Variants in RNF213 observed in about 807,000 individuals in gnomAD.
RNF213 encodes E3 ubiquitin-protein ligase RNF213.
Under a neutral mutation model 514.4 loss-of-function variants are expected in RNF213, and 341 were observed. The observed-to-expected ratio is 0.66, with a 90% CI of 0.61 to 0.73. The LOEUF is 0.73. Among genes scored for constraint, RNF213 ranks in the 30% least tolerant of loss-of-function variants. RNF213 has a pLI of 0.00. For synonymous variants in RNF213, 2,655 were observed against 2,658.2 expected (o/e 1.00, Z 0.04); for missense variants, 5,767 against 6,615.6 (o/e 0.87, Z 4.45).
Position 80,347,395 on chromosome 17 carries a change from G to A in RNF213, c.9060G>A (p.Gln3020=), listed in dbSNP as rs144814798. The part of the protein sequence containing the change: ...EEVSPMQLIK[Q]NIFGPSQKVP... ...TCAGCCCCATGCAGCTGATCAAACA[G>A]AACATCTTTGGGCCTTCTCAGAAGG... is the stretch of plus-strand genomic sequence containing the variant. The change falls in exon 29 of 68, where the codon CAG becomes CAA. Residue 3020 remains glutamine, a synonymous_variant. Coordinates refer to ENST00000582970, the MANE Select transcript of RNF213 (RefSeq NM_001256071.3). The surrounding 1 kb of genome is among the most constrained non-coding windows in gnomAD (Gnocchi z 7.2). 2.5e-6 allele frequency: 4 copies of A among 1,613,826 alleles called. No individual in the cohort carries two copies. In the African/African-American group the frequency reaches 4.0e-5, roughly 16 times the overall value.
rs1014180110 is a variant in RNF213, at chr17:80,345,981, T to C, written c.7646T>C (p.Met2549Thr). The change falls in exon 29 of 68, where the codon ATG (methionine) becomes ACG (threonine). Residue 2549 changes from methionine to threonine, a missense_variant. Coordinates refer to ENST00000582970, the MANE Select transcript of RNF213 (RefSeq NM_001256071.3). The surrounding 1 kb of genome is among the most constrained non-coding windows in gnomAD (Gnocchi z 6.0). The stretch of plus-strand genomic sequence containing the variant: ...GCTGGTTTGGGCTACAGGGTTAGTA[T>C]GGAGGAGACGGCCGACAGGCTGGGC... ...ESAGLGYRVS[M>T]EETADRLGSI... 6.2e-6 allele frequency: 10 copies of C among 1,614,116 alleles called. No individual in the cohort carries two copies. Among genetic ancestry groups the C allele is most frequent in the Non-Finnish European group, 8.5e-6 (10 of 1,180,054 alleles).
At position 80,317,530 on chromosome 17, in the gene RNF213, T is replaced by G. The variant is rs2045988214; in HGVS notation, c.2901+253T>G. Among the ~76,000 whole-genome samples the G allele has an allele frequency of 6.6e-6, 1 of 152,212 alleles. No individual in the cohort carries two copies. The highest frequency in any genetic ancestry group is 2.4e-5 in the African/African-American group (1 of 41,448). On this transcript the variant is annotated intron_variant, in intron 16 of 67. Transcript: ENST00000582970. This position sits in a 1 kb window ranked among gnomAD's most constrained non-coding sequence, Gnocchi z 4.1. ...CATCATGGGGGTGCGGGATTTTTCC[T>G]GACCCCTTCGTTGGACTTGCGACAG...
At chr17:80,382,913 T>C (rs1447528292) in intron 57 of RNF213, 66 bp from the exon 58 acceptor site, 2 of 934,914 alleles carry the variant, frequency 2.1e-6, no homozygotes, top group African/African-American at 3.3e-5. Context: ...ATTTAGGGTT[T>C]ATTATACGCA....
Position 80,334,120 on chromosome 17 carries a change from G to A in RNF213, c.4159G>A (p.Asp1387Asn), listed in dbSNP as rs1400812017. 4.6e-6 allele frequency: 7 copies of A among 1,537,056 alleles called. No individual in the cohort carries two copies. Among genetic ancestry groups the A allele is most frequent in the African/African-American group, 2.7e-5 (2 of 73,012 alleles). The change falls in exon 22 of 68, where the codon GAC becomes AAC. Residue 1387 changes from aspartate (D) to asparagine (N), a missense_variant. This residue lies in a region of RNF213 where 516 missense variants were observed against 566.5 expected (regional missense o/e 0.91). Transcript: ENST00000582970. Reference protein sequence around the residue: ...TLLNFTDNFDDFRRETLDQIN... With the variant: ...TLLNFTDNFDNFRRETLDQIN... ...TTTCTTGCAGACTGATAACTTCGAC[G>A]ACTTTCGCCGTGAAACACTGGACCA...
rs1270923474 is a variant in RNF213, at chr17:80,350,312, C to G, written c.10100C>G (p.Thr3367Arg). 4 of 1,603,564 alleles carry G rather than the reference C, an allele frequency of 2.5e-6. No individual in the cohort carries two copies. Among genetic ancestry groups the G allele is most frequent in the Non-Finnish European group, 3.4e-6 (4 of 1,170,690 alleles). ...CCCTTTTCTTTCAGAAACTGTTTAACGAATACAGCCAAATGTAAAATCCTC... is the reference window on the plus strand; with the variant it reads ...CCCTTTTCTTTCAGAAACTGTTTAAGGAATACAGCCAAATGTAAAATCCTC... Reference protein sequence around the residue: ...SFLKEVRNCLTNTAKCKILIF... With the variant: ...SFLKEVRNCLRNTAKCKILIF... The change falls in exon 31 of 68, where the codon ACG becomes AGG. Residue 3367 changes from threonine to arginine, a missense_variant. Physicochemically the swap from Thr to Arg is moderately conservative, Grantham distance 71. Around this residue, in one of 13 missense-constraint regions of RNF213, gnomAD observed 919 missense variants for 1,121.0 expected, o/e 0.82. Transcript: ENST00000582970.
intron 8 of RNF213, among the ~76,000 whole-genome samples, chr17:80,294,456 G>A (rs1375030553): frequency 1.3e-5 from 2 of 152,190 alleles, no homozygotes; most frequent in Non-Finnish European, 1.5e-5. Flanking sequence ...TCTCAGGCCC[G>A]CTGCATCCCA....
rs1278667909 is a variant in RNF213, at chr17:80,343,368, ACGTGGTCCCCATGTCTCTG to A, written c.6183+48_6183+66del. ...TCAGCCGATGGCCACATCAGTAAAG[ACGTGGTCCCCATGTCTCTG>A]CGTGACTCCTCCCCGTGTATAGAAT... On this transcript the variant is annotated intron_variant, in intron 27 of 67. Transcript: ENST00000582970. This position sits in a 1 kb window ranked among gnomAD's most constrained non-coding sequence, Gnocchi z 4.3. The A allele has an allele frequency of 1.6e-5, 25 of 1,552,370 alleles. No homozygotes were observed. Among genetic ancestry groups the A allele is most frequent in the Non-Finnish European group, 2.2e-5 (25 of 1,132,388 alleles).
At chr17:80,280,528 A>G (rs2044222193) in intron 3 of RNF213, among the ~76,000 whole-genome samples, 1 of 152,136 alleles carries the variant, frequency 6.6e-6, no homozygotes, top group African/African-American at 2.4e-5. Flanking sequence ...ATCATAGCTC[A>G]CTGCAGCCTT....
Position 80,346,849 on chromosome 17 carries a change from C to G in RNF213, c.8514C>G (p.Val2838=). 1 of 1,614,156 alleles carries G rather than the reference C, an allele frequency of 6.2e-7. No homozygotes were observed. Among genetic ancestry groups the G allele is most frequent in the Non-Finnish European group, 8.5e-7 (1 of 1,180,014 alleles). The change falls in exon 29 of 68, where the codon GTC becomes GTG. Residue 2838 remains valine (V), a synonymous_variant. Transcript: ENST00000582970. This position sits in a 1 kb window ranked among gnomAD's most constrained non-coding sequence, Gnocchi z 8.1. ...AGGGGAAGGACCTGCAGCAGTACGT[C>G]TCTGTGGTGGTGTTAGATGAGGTGG... ...FQQGKDLQQY[V]SVVVLDEVGL... is the part of the protein sequence containing the mutation.
intron 41 of RNF213, 133 bp downstream of exon 41, chr17:80,363,923 A>T: frequency 1.1e-6 from 1 of 894,078 alleles, no homozygotes. Flanking sequence ...TCACCCGTTC[A>T]CTCCGCATTT....
intron 9 of RNF213, among the ~76,000 whole-genome samples, chr17:80,295,262 G>C (rs77175089): frequency 6.6e-6 from 1 of 152,170 alleles, no homozygotes; most frequent in Non-Finnish European, 1.5e-5. Context: ...TGGAAGGAAC[G>C]GGGCACCCTC....
At chr17:80,330,083 T>C (rs1234345642) in intron 20 of RNF213, among the ~76,000 whole-genome samples, 1 of 152,200 alleles carries the variant, frequency 6.6e-6, no homozygotes, top group Non-Finnish European at 1.5e-5. Flanking sequence ...AACTTTCTGC[T>C]TAGGTTTTCA....
At chr17:80,355,634 CAGGG>C (rs2078760422) in intron 36 of RNF213, among the ~76,000 whole-genome samples, 1 of 22,842 alleles carries the variant, frequency 4.4e-5, no homozygotes, top group Admixed American at 4.3e-4. Flanking sequence ...TGGGGGCTTA[CAGGG>C]GAAGAAGCGG....
At chr17:80,296,056 G>A (rs1333224270) in intron 10 of RNF213, among the ~76,000 whole-genome samples, 8 of 152,104 alleles carry the variant, frequency 5.3e-5, no homozygotes, top group African/African-American at 1.9e-4. Flanking sequence ...GTCTCACTCT[G>A]TGGCCCAGGC....
chr17:80,278,546 C>T (rs73444313), intron 3 of RNF213, among the ~76,000 whole-genome samples: 1,791 of 152,310 alleles, frequency 0.012, 28 homozygotes, highest in African/African-American at 0.041. Flanking sequence ...TTGTCCTGCA[C>T]GTCTGCAGGA....
Position 80,288,883 on chromosome 17 carries a change from C to T in RNF213, c.933+128C>T, listed in dbSNP as rs1014177827. The T allele has an allele frequency of 4.7e-6, 7 of 1,494,252 alleles. No individual in the cohort carries two copies. The African/African-American group carries it at 6.9e-5, about 15-fold the overall frequency. The allele number at this position is 1,494,252 out of a possible 1,614,324, so 92.6% of individuals were successfully genotyped here. ...AGCCATGATTCAGACAAAGCTCTGG[C>T]CTTCGGGGTGCTCACATTCCAGCGG... is the stretch of plus-strand genomic sequence containing the variant. On this transcript the variant is annotated intron_variant, in intron 5 of 67. Coordinates refer to ENST00000582970, the MANE Select transcript of RNF213 (RefSeq NM_001256071.3). The surrounding 1 kb of genome is among the most constrained non-coding windows in gnomAD (Gnocchi z 4.9).
Position 80,288,136 on chromosome 17 carries a change from C to G in RNF213, c.583C>G (p.Gln195Glu), listed in dbSNP as rs144174438. 6.2e-7 allele frequency: 1 copy of G among 1,609,648 alleles called. No homozygotes were observed. ...AGGAAGTGAGGCTCAGAGCAGCCCG[C>G]AATTCCAGGACCACACGGAAGGGGA... is the stretch of plus-strand genomic sequence containing the variant. ...ATGSEAQSSP[Q>E]FQDHTEGEDQ... Residue 195 changes from glutamine to glutamate, a missense_variant, in exon 4 of 68, where the codon CAA becomes GAA. Gln to Glu is a conservative substitution (Grantham distance 29). Transcript: ENST00000582970. The surrounding 1 kb of genome is among the most constrained non-coding windows in gnomAD (Gnocchi z 4.9).
At chr17:80,390,498 G>A (rs920576192) in intron 67 of RNF213, among the ~76,000 whole-genome samples, 1 of 150,716 alleles carries the variant, frequency 6.6e-6, no homozygotes, top group South Asian at 2.1e-4. Context: ...CCAGGTTCAA[G>A]CGAGTCTCAT....
intron 37 of RNF213, among the ~76,000 whole-genome samples, chr17:80,359,131 C>G (rs2078945638): frequency 6.6e-6 from 1 of 152,146 alleles, no homozygotes; most frequent in African/African-American, 2.4e-5. Context: ...CCCCCACCCC[C>G]TTCCGCAGGC....
Sources: allele counts gnomAD v4.1 joint callset (sites outside exome capture counted in the v4.1 genomes callset), GRCh38; gene constraint gnomAD v4.1.1; regional missense constraint gnomAD v4.1.1; non-coding constraint Gnocchi (gnomAD v3.1); transcripts MANE v1.5; gene names NCBI Gene and HGNC (gene_info 2026-07-23, HGNC 2026-07-21).